WNT2: variants seen among roughly 807,000 people sequenced by gnomAD.
WNT2 encodes protein Wnt-2.
WNT2 carries 12 observed loss-of-function variants against 36.9 expected under a neutral mutation model. The ratio of observed to expected loss-of-function variants is 0.33; its 90% confidence interval spans 0.21 to 0.53. The LOEUF (loss-of-function observed/expected upper bound fraction) is 0.53. WNT2 is among the 20% of genes least tolerant of loss of function. The probability of loss-of-function intolerance (pLI) is 0.95; values close to 1 mark genes in which losing one functional copy is unlikely to be tolerated. For synonymous variants in WNT2, 163 were observed against 174.6 expected (o/e 0.93, Z 0.52); for missense variants, 379 against 473.1 (o/e 0.80, Z 1.84).
rs144898264 is a variant in WNT2 at position 117,322,536 on chromosome 7, TACACACACAC to T, written c.83+361_83+370del. On this transcript the variant is annotated intron_variant, in intron 1 of 4. Coordinates refer to ENST00000265441, the MANE Select transcript of WNT2 (RefSeq NM_003391.3). The surrounding 1 kb of genome is among the most constrained non-coding windows in gnomAD (Gnocchi z 5.4). The stretch of plus-strand genomic sequence containing the variant: ...GCGGTTGTAGTTTTCAAGGTGAATT[TACACACACAC>T]ACACACACACACACACACACACACA... Among the ~76,000 whole-genome samples, 69 of 127,998 alleles carry T rather than the reference TACACACACAC, an allele frequency of 5.4e-4. No individual in the cohort carries two copies. The highest frequency in any genetic ancestry group is 1.8e-3 in the African/African-American group (59 of 32,210). 84.0% of individuals were successfully genotyped at this position (127,998 alleles called of 152,430 possible). A position where few individuals can be genotyped will look rare whatever the true frequency, so the allele number is the denominator to read the frequency against.
intron 3 of WNT2, among the ~76,000 whole-genome samples, chr7:117,307,179 C>A (rs540005558): frequency 6.6e-6 from 1 of 152,128 alleles, no homozygotes; most frequent in South Asian, 2.1e-4. Context: ...TAGGCTAGAA[C>A]AATTCTATTT....
chr7:117,306,249 A>G (rs1040440728), intron 3 of WNT2, among the ~76,000 whole-genome samples: 3 of 152,186 alleles, frequency 2.0e-5, no homozygotes, highest in African/African-American at 7.2e-5. Flanking sequence ...GGAAGAGGGG[A>G]AACATTACAT....
chr7:117,283,731 A>T (rs764143305), intron 4 of WNT2, among the ~76,000 whole-genome samples: 30 of 152,226 alleles, frequency 2.0e-4, no homozygotes, highest in Non-Finnish European at 4.1e-4. Context: ...CTTAACTCAG[A>T]AGTGGTTTCA....
chr7:117,307,248 T>G (rs1795032099), intron 3 of WNT2, among the ~76,000 whole-genome samples: 1 of 152,244 alleles, frequency 6.6e-6, no homozygotes, highest in African/African-American at 2.4e-5. Context: ...ATTCTTTAAT[T>G]TCTTACCATA....
intron 2 of WNT2, among the ~76,000 whole-genome samples, chr7:117,319,614 C>G (rs1011152248): frequency 6.6e-6 from 1 of 151,954 alleles, no homozygotes; most frequent in Non-Finnish European, 1.5e-5. Context: ...TTTCTAATAG[C>G]AAATGGACTG....
At chr7:117,313,957 T>G (rs908202332) in intron 3 of WNT2, among the ~76,000 whole-genome samples, 13 of 152,238 alleles carry the variant, frequency 8.5e-5, no homozygotes, top group African/African-American at 3.1e-4. Context: ...TAACTTCCTT[T>G]AAATGAGATT....
intron 3 of WNT2, among the ~76,000 whole-genome samples, chr7:117,302,107 T>G (rs141047190): frequency 2.6e-5 from 4 of 152,226 alleles, no homozygotes; most frequent in African/African-American, 9.6e-5. Context: ...CCTCCATTCT[T>G]TTGAATAATC....
rs1484443752 is a variant in WNT2 at position 117,278,293 on chromosome 7, G to A, written c.945C>T (p.Thr315=). ...EVMCCGRGYD[T]SHVTRMTKCG... is the part of the protein sequence containing the mutation. ...ACTTGGTCATCCGGGTGACATGGGAGGTGTCGTAGCCTCTCCCACAGCACA... is the reference window on the plus strand; with the variant it reads ...ACTTGGTCATCCGGGTGACATGGGAAGTGTCGTAGCCTCTCCCACAGCACA... The change falls in exon 5 of 5, where the codon ACC becomes ACT. Residue 315 remains threonine (T), a synonymous_variant. Coordinates refer to ENST00000265441, the MANE Select transcript of WNT2 (RefSeq NM_003391.3). The A allele has an allele frequency of 1.2e-6, 2 of 1,614,130 alleles. No individual in the cohort carries two copies. Among genetic ancestry groups the A allele is most frequent in the African/African-American group, 1.3e-5 (1 of 74,946 alleles).
chr7:117,316,869 T>G (rs1470647312), intron 2 of WNT2, among the ~76,000 whole-genome samples: 1 of 152,202 alleles, frequency 6.6e-6, no homozygotes. Flanking sequence ...TTATACTATA[T>G]AGACCACAGA....
At chr7:117,281,730 A>G (rs1794493426) in intron 4 of WNT2, among the ~76,000 whole-genome samples, 2 of 152,146 alleles carry the variant, frequency 1.3e-5, no homozygotes, top group Admixed American at 1.3e-4. Flanking sequence ...CAAATACATG[A>G]TTGGCTGAAG....
rs144898264 is a variant in WNT2 at position 117,322,536 on chromosome 7, T to TACACACACACACACACAC, written c.83+353_83+370dup. 1.8e-3 allele frequency among the ~76,000 whole-genome samples: 231 copies of TACACACACACACACACAC among 127,992 alleles called. No homozygotes were observed. Among genetic ancestry groups the TACACACACACACACACAC allele is most frequent in the African/African-American group, 4.2e-3 (135 of 32,208 alleles). The allele number at this position is 127,992 out of a possible 152,430, so 84.0% of individuals were successfully genotyped here. On this transcript the variant is annotated intron_variant, in intron 1 of 4. Coordinates refer to ENST00000265441, the MANE Select transcript of WNT2 (RefSeq NM_003391.3). The surrounding 1 kb of genome is among the most constrained non-coding windows in gnomAD (Gnocchi z 5.4). ...GCGGTTGTAGTTTTCAAGGTGAATT[T>TACACACACACACACACAC]ACACACACACACACACACACACACA...
chr7:117,295,004 T>C (rs1364483796), intron 4 of WNT2, among the ~76,000 whole-genome samples: 1 of 152,174 alleles, frequency 6.6e-6, no homozygotes. Context: ...GGCAGGAGAA[T>C]TGCTTGAGCC....
At chr7:117,312,704 A>G (rs1390892363) in intron 3 of WNT2, among the ~76,000 whole-genome samples, 5 of 152,206 alleles carry the variant, frequency 3.3e-5, no homozygotes, top group African/African-American at 4.8e-5. Context: ...AAAGAAAGAA[A>G]TCATTATGAA....
In WNT2 at chr7:117,313,401, A is replaced by G. The variant is rs549702115; in HGVS notation, c.588+1670T>C. On this transcript the variant is annotated intron_variant, in intron 3 of 4. Transcript: ENST00000265441. ...TCCTAAGTTTTGCAGAGCAGGCAGGAGAATATCTGAGGCCTGACAGCTGTT... is the reference window on the plus strand; with the variant it reads ...TCCTAAGTTTTGCAGAGCAGGCAGGGGAATATCTGAGGCCTGACAGCTGTT... 3.3e-4 allele frequency among the ~76,000 whole-genome samples: 50 copies of G among 152,330 alleles called. No individual in the cohort carries two copies. In the South Asian group the frequency reaches 0.01, roughly 32 times the overall value.
chr7:117,301,291 A>G (rs1309367953), intron 3 of WNT2, among the ~76,000 whole-genome samples: 2 of 152,122 alleles, frequency 1.3e-5, no homozygotes, highest in Non-Finnish European at 2.9e-5. Flanking sequence ...CTGGGTTTGC[A>G]GACTTGAAAT....
chr7:117,302,008 C>T (rs1794916141), intron 3 of WNT2, among the ~76,000 whole-genome samples: 1 of 151,886 alleles, frequency 6.6e-6, no homozygotes, highest in South Asian at 2.1e-4. Context: ...GGGGTTTCTC[C>T]ATGTTGGTCA....
chr7:117,313,536 A>G (rs144463141), intron 3 of WNT2, among the ~76,000 whole-genome samples: 2 of 152,360 alleles, frequency 1.3e-5, no homozygotes, highest in East Asian at 3.9e-4. Flanking sequence ...AACATTCAAT[A>G]TCTAATGACC....
rs189591674 is a variant in WNT2 at position 117,275,899 on chromosome 7, C to T, written c.*2256G>A. On this transcript the variant is annotated 3_prime_UTR_variant, in exon 5 of 5. Transcript: ENST00000265441. ...GGTTCCTACGTGGATATCCTTGTCC[C>T]CTTGCTACTTACCAGGAGGGATATA... Among the ~76,000 whole-genome samples the T allele has an allele frequency of 1.8e-4, 27 of 152,262 alleles. No individual in the cohort carries two copies. Among genetic ancestry groups the T allele is most frequent in the Admixed American group, 5.2e-4 (8 of 15,286 alleles).
chr7:117,282,685 C>A (rs78881013), intron 4 of WNT2, among the ~76,000 whole-genome samples: 2,690 of 152,136 alleles, frequency 0.018, 40 homozygotes, highest in African/African-American at 0.037. Context: ...CAAGGGGTTT[C>A]AACTTGACCT....
Sources: gnomAD v4.1 joint callset for allele counts (sites outside exome capture counted in the v4.1 genomes callset) on GRCh38, gnomAD v4.1.1 for gene constraint, Gnocchi (gnomAD v3.1) non-coding constraint, MANE v1.5 for transcripts, NCBI Gene and HGNC (gene_info 2026-07-23, HGNC 2026-07-21) for gene names.